The following MSRA variants were observed in gnomAD, a reference collection of about 807,000 sequenced individuals.
MSRA encodes the protein methionine sulfoxide reductase A, also known as mitochondrial peptide methionine sulfoxide reductase.
MSRA carries 54 observed loss-of-function variants against 31.3 expected under a neutral mutation model. The ratio of observed to expected loss-of-function variants is 1.73; its 90% CI spans 1.39 to 2.17. MSRA has a LOEUF of 2.17. Among genes scored for constraint, MSRA ranks in the 30% most tolerant of loss-of-function variants. The pLI, the probability that MSRA is intolerant of heterozygous loss-of-function variation, is 0.00. For missense variants in MSRA, 507 were observed against 300.9 expected (o/e 1.69, Z -5.07); for synonymous variants, 169 against 116.5 (o/e 1.45, Z -2.90).
At chr8:10,300,124 TTGTGTGTG>T (rs10682921) in intron 3 of MSRA, among the ~76,000 whole-genome samples, 3 of 149,556 alleles carry the variant, frequency 2.0e-5, no homozygotes, top group Non-Finnish European at 3.0e-5. Context: ...TGGAAGAAAT[TTGTGTGTG>T]TGTGTGTGTG....
chr8:10,167,772 G>C (rs1387289173), intron 1 of MSRA, among the ~76,000 whole-genome samples: 1 of 152,096 alleles, frequency 6.6e-6, no homozygotes, highest in Non-Finnish European at 1.5e-5. Context: ...CATGAATGCT[G>C]ATCCACTTTC....
rs77929647 is a variant in MSRA at position 10,069,929 on chromosome 8, C to A, written c.142+15271C>A. Reference sequence around the variant, plus strand: ...TTTATTAAAATGAAACATGACAAAACCACACCCTCTTTAACGTTGAAATAT... The same window carrying A: ...TTTATTAAAATGAAACATGACAAAAACACACCCTCTTTAACGTTGAAATAT... On this transcript the variant is annotated intron_variant, in intron 1 of 5. Coordinates refer to ENST00000317173, the MANE Select transcript of MSRA (RefSeq NM_012331.5). Among the ~76,000 whole-genome samples the A allele has an allele frequency of 7.9e-3, 1,207 of 152,270 alleles. 16 individuals are homozygous for A. Among genetic ancestry groups the A allele is most frequent in the African/African-American group, 0.026 (1,087 of 41,546 alleles).
At chr8:10,356,568 C>T (rs1804519562) in intron 5 of MSRA, among the ~76,000 whole-genome samples, 2 of 152,182 alleles carry the variant, frequency 1.3e-5, no homozygotes, top group African/African-American at 2.4e-5. Context: ...TTTTCACCCA[C>T]AAGGTGATGG....
At chr8:10,303,773 G>A (rs577400204) in intron 4 of MSRA, among the ~76,000 whole-genome samples, 19 of 152,298 alleles carry the variant, frequency 1.2e-4, no homozygotes, top group African/African-American at 3.6e-4. Flanking sequence ...GAGATCCTCC[G>A]TCAGGAACCT....
intron 1 of MSRA, among the ~76,000 whole-genome samples, chr8:10,078,096 C>A (rs980693865): frequency 6.6e-6 from 1 of 152,204 alleles, no homozygotes; most frequent in African/African-American, 2.4e-5. Flanking sequence ...TGCCCTAAAG[C>A]CAAATTGGGA....
chr8:10,333,415 TAC>T (rs1443055055), intron 5 of MSRA, among the ~76,000 whole-genome samples: 1 of 152,202 alleles, frequency 6.6e-6, no homozygotes, highest in African/African-American at 2.4e-5. Context: ...AAATGGAACC[TAC>T]ACACACAGCT....
chr8:10,125,535 T>G (rs1801436120), intron 1 of MSRA, among the ~76,000 whole-genome samples: 1 of 152,110 alleles, frequency 6.6e-6, no homozygotes, highest in Admixed American at 6.6e-5. Flanking sequence ...GCACATGGAC[T>G]GTGGTGGGAG....
At chr8:10,210,121 T>G (rs1227409533) in intron 2 of MSRA, among the ~76,000 whole-genome samples, 1 of 152,160 alleles carries the variant, frequency 6.6e-6, no homozygotes, top group Non-Finnish European at 1.5e-5. Flanking sequence ...TGTTTATCAC[T>G]GCAATGGAAA....
In MSRA at chr8:10,301,527, T is replaced by C. The variant is rs370958638; in HGVS notation, c.332-7T>C. The C allele has an allele frequency of 1.6e-5, 26 of 1,606,568 alleles. No individual in the cohort carries two copies. The African/African-American group carries it at 3.2e-4, about 20-fold the overall frequency. On this transcript the variant is annotated splice_polypyrimidine_tract_variant and splice_region_variant and intron_variant, in intron 3 of 5. Transcript: ENST00000317173. Reference sequence around the variant, plus strand: ...AAATTTCGGTTGTACGTTTTGTTTTTTCCAAGAAAAAACTGGCCATGCAGA... The same window carrying C: ...AAATTTCGGTTGTACGTTTTGTTTTCTCCAAGAAAAAACTGGCCATGCAGA...
chr8:10,354,644 C>T (rs186370056), intron 5 of MSRA, among the ~76,000 whole-genome samples: 17 of 151,430 alleles, frequency 1.1e-4, no homozygotes, highest in South Asian at 2.1e-4. Context: ...ACAAATGCAT[C>T]GGTGAAGGTA....
chr8:10,216,901 A>G (rs1357667083), intron 2 of MSRA, among the ~76,000 whole-genome samples: 1 of 152,152 alleles, frequency 6.6e-6, no homozygotes, highest in Non-Finnish European at 1.5e-5. Flanking sequence ...CCTGCTTTCC[A>G]TTCTTTTGGG....
chr8:10,061,698 G>A (rs1037479814), intron 1 of MSRA, among the ~76,000 whole-genome samples: 12 of 152,102 alleles, frequency 7.9e-5, no homozygotes, highest in East Asian at 1.9e-4. Flanking sequence ...TCATCTTTTC[G>A]TGTGACCATC....
intron 5 of MSRA, among the ~76,000 whole-genome samples, chr8:10,335,240 TCC>T (rs1802960072): frequency 8.0e-6 from 1 of 124,764 alleles, no homozygotes; most frequent in South Asian, 2.9e-4. Flanking sequence ...CCTTAACACC[TCC>T]CAGCTCTGTT....
chr8:10,280,467 T>A (rs879461870), intron 3 of MSRA, among the ~76,000 whole-genome samples: 1 of 152,226 alleles, frequency 6.6e-6, no homozygotes, highest in Non-Finnish European at 1.5e-5. Flanking sequence ...AATTGTGATT[T>A]TTCCTGTTTG....
In MSRA at chr8:10,172,589, A is replaced by G. The variant is rs75514929; in HGVS notation, c.143-35244A>G. 5.5e-3 allele frequency among the ~76,000 whole-genome samples: 837 copies of G among 152,288 alleles called. 4 individuals carry two copies. The highest frequency in any genetic ancestry group is 0.018 in the African/African-American group (733 of 41,552). ...GGAATATTTGACCTAAAAATAAAAG[A>G]TAGACTTAGAACTCAGTCTTAAGGG... On this transcript the variant is annotated intron_variant, in intron 1 of 5. Transcript: ENST00000317173.
intron 1 of MSRA, among the ~76,000 whole-genome samples, chr8:10,189,489 AT>A (rs916829201): frequency 6.6e-6 from 1 of 151,968 alleles, no homozygotes; most frequent in Admixed American, 6.6e-5. Flanking sequence ...TTTTTAGTAG[AT>A]TTTTTTTATT....
chr8:10,414,714 C>G (rs899454167), intron 5 of MSRA, among the ~76,000 whole-genome samples: 1 of 152,214 alleles, frequency 6.6e-6, no homozygotes, highest in African/African-American at 2.4e-5. Flanking sequence ...AAGGCTCTTT[C>G]CTTTTAACAA....
chr8:10,283,605 C>T (rs1799751857), intron 3 of MSRA, among the ~76,000 whole-genome samples: 1 of 151,322 alleles, frequency 6.6e-6, no homozygotes, highest in Non-Finnish European at 1.5e-5. Flanking sequence ...CCTCTTTCCC[C>T]CTGAGTCCCC....
chr8:10,350,324 A>C (rs986456308), intron 5 of MSRA, among the ~76,000 whole-genome samples: 2 of 152,228 alleles, frequency 1.3e-5, no homozygotes, highest in South Asian at 2.1e-4. Flanking sequence ...TGCACTAGCC[A>C]TGTTCCAAGT....
Sources: gnomAD v4.1 joint callset for allele counts (sites outside exome capture counted in the v4.1 genomes callset) on GRCh38, gnomAD v4.1.1 for gene constraint, MANE v1.5 for transcripts, NCBI Gene and HGNC (gene_info 2026-07-23, HGNC 2026-07-21) for gene names.